The following MYBPC1 variants were observed in gnomAD, a reference collection of about 807,000 sequenced individuals.
MYBPC1 encodes myosin binding protein C1, also known as myosin-binding protein C, slow-type.
Under a neutral mutation model 147.1 loss-of-function variants are expected in MYBPC1, and 52 were observed. The observed-to-expected ratio is 0.35, with a 90% CI of 0.28 to 0.45. The LOEUF (loss-of-function observed/expected upper bound fraction) is 0.45, where lower values mean the gene tolerates loss of function less well. Among genes scored for constraint, MYBPC1 ranks in the 20% least tolerant of loss-of-function variants. The pLI, the probability that MYBPC1 is intolerant of heterozygous loss-of-function variation, is 1.00. For missense variants in MYBPC1, 1,228 were observed against 1,440.3 expected (o/e 0.85, Z 2.39); for synonymous variants, 477 against 475.9 (o/e 1.00, Z -0.03).
In MYBPC1 at chr12:101,605,965, C is replaced by T. The variant is rs138472855; in HGVS notation, c.26-8531C>T. On this transcript the variant is annotated intron_variant, in intron 1 of 31. Coordinates refer to ENST00000361466, the MANE Select transcript of MYBPC1 (RefSeq NM_002465.4). ...ATCCAAGCACTTTGGAAGGCTGAGG[C>T]GGGCAGATCACTTGAGCCCAGGAGT... 7.0e-3 allele frequency among the ~76,000 whole-genome samples: 1,062 copies of T among 152,086 alleles called. 11 individuals carry two copies. The highest frequency in any genetic ancestry group is 0.024 in the African/African-American group (995 of 41,500).
At chr12:101,613,454 G>T (rs1328446309) in intron 1 of MYBPC1, among the ~76,000 whole-genome samples, 1 of 152,162 alleles carries the variant, frequency 6.6e-6, no homozygotes, top group Non-Finnish European at 1.5e-5. Flanking sequence ...ATTTTATTTA[G>T]TAATCAAGTA....
intron 13 of MYBPC1, 115 bp from the exon 14 acceptor site, chr12:101,647,930 T>TGG: frequency 1.2e-6 from 1 of 808,648 alleles, no homozygotes; most frequent in East Asian, 2.8e-5. Context: ...GTTATCACCA[T>TGG]GTCAACCATA....
downstream of MYBPC1, among the ~76,000 whole-genome samples, chr12:101,690,308 T>C (rs1004343455): frequency 2.6e-5 from 4 of 152,258 alleles, no homozygotes; most frequent in African/African-American, 9.6e-5. Flanking sequence ...TCTCTCTGTC[T>C]TGTTCCTTGC....
chr12:101,597,985 C>T (rs2135512501), intron 1 of MYBPC1, among the ~76,000 whole-genome samples: 1 of 151,828 alleles, frequency 6.6e-6, no homozygotes, highest in African/African-American at 2.4e-5. Flanking sequence ...TTAATTGCCC[C>T]CGGTTCCTAC....
At chr12:101,647,622 T>C (rs1893482219) in intron 13 of MYBPC1, among the ~76,000 whole-genome samples, 1 of 151,850 alleles carries the variant, frequency 6.6e-6, no homozygotes, top group South Asian at 2.1e-4. Context: ...CCACAGTGGC[T>C]CATGTCTATA....
At chr12:101,597,989 T>A (rs925076744) in intron 1 of MYBPC1, among the ~76,000 whole-genome samples, 1 of 151,894 alleles carries the variant, frequency 6.6e-6, no homozygotes, top group Non-Finnish European at 1.5e-5. Flanking sequence ...TTGCCCCCGG[T>A]TCCTACTGTG....
At chr12:101,668,204 C>T (rs940816419) in intron 23 of MYBPC1, among the ~76,000 whole-genome samples, 2 of 152,080 alleles carry the variant, frequency 1.3e-5, no homozygotes, top group Non-Finnish European at 2.9e-5. Flanking sequence ...TACAACCATG[C>T]AAACAATCCC....
intron 31 of MYBPC1, among the ~76,000 whole-genome samples, chr12:101,684,986 G>T (rs1449809387): frequency 3.3e-5 from 5 of 152,046 alleles, no homozygotes; most frequent in African/African-American, 1.2e-4. Flanking sequence ...TCAGAAGGTA[G>T]GTATGAAATA....
the MYBPC1 span, among the ~76,000 whole-genome samples, chr12:101,692,896 T>A: frequency 1.3e-5 from 2 of 151,962 alleles, no homozygotes; most frequent in Non-Finnish European, 2.9e-5. Flanking sequence ...GGAAAATCAA[T>A]TTAGAGCATG....
At chr12:101,681,851 C>T (rs1951021899) in intron 29 of MYBPC1, among the ~76,000 whole-genome samples, 1 of 151,736 alleles carries the variant, frequency 6.6e-6, no homozygotes, top group African/African-American at 2.4e-5. Context: ...TCAAGCAATC[C>T]ATCTGCCTTG....
chr12:101,653,078 G>C (rs1894840029), intron 17 of MYBPC1, 37 bp from the exon 18 acceptor site: 1 of 1,602,926 alleles, frequency 6.2e-7, no homozygotes, highest in South Asian at 1.1e-5. Context: ...ACACAGAAAT[G>C]ACTGTCTGAT....
At chr12:101,613,717 C>T (rs576572239) in intron 1 of MYBPC1, among the ~76,000 whole-genome samples, 38 of 152,272 alleles carry the variant, frequency 2.5e-4, no homozygotes, top group African/African-American at 9.1e-4. Context: ...AACCAGACAT[C>T]GAAAGCCAGG....
intron 24 of MYBPC1, 144 bp downstream of exon 24, chr12:101,670,553 G>A (rs933708574): frequency 3.3e-5 from 25 of 767,346 alleles, no homozygotes; most frequent in Non-Finnish European, 5.7e-5. Flanking sequence ...AAAGAGTATT[G>A]GAGAATGATT....
intron 12 of MYBPC1, 144 bp from the exon 13 acceptor site, chr12:101,646,619 A>G (rs1247433643): frequency 4.3e-6 from 4 of 926,906 alleles, no homozygotes. Context: ...TGCCTGTGCA[A>G]CAGAGCAAGA....
At chr12:101,688,690 G>GT (rs1367474218), downstream of MYBPC1, among the ~76,000 whole-genome samples, 9 of 140,528 alleles carry the variant, frequency 6.4e-5, no homozygotes, top group Admixed American at 1.4e-4. Context: ...GCTGGGTGTG[G>GT]TGGCTGACGT....
chr12:101,630,932 G>C (rs962120564), intron 6 of MYBPC1, among the ~76,000 whole-genome samples: 1 of 152,124 alleles, frequency 6.6e-6, no homozygotes, highest in Non-Finnish European at 1.5e-5. Context: ...CTTCTTTCCA[G>C]GCTAGAATGT....
At chr12:101,599,142 C>T (rs1306030732) in intron 1 of MYBPC1, among the ~76,000 whole-genome samples, 1 of 152,164 alleles carries the variant, frequency 6.6e-6, no homozygotes, top group African/African-American at 2.4e-5. Context: ...TCACAGGTTC[C>T]TTTATGACCA....
At chr12:101,611,504 G>A (rs2135754147) in intron 1 of MYBPC1, among the ~76,000 whole-genome samples, 1 of 152,312 alleles carries the variant, frequency 6.6e-6, no homozygotes, top group East Asian at 1.9e-4. Context: ...TCACATAGAT[G>A]CTAAACAAGT....
chr12:101,679,127 TA>T (rs1370247933), intron 28 of MYBPC1, among the ~76,000 whole-genome samples: 1 of 133,788 alleles, frequency 7.5e-6, no homozygotes, highest in Non-Finnish European at 1.6e-5. Context: ...CTAGTCTGGG[TA>T]ACAGAAGAAG....
Sources: gnomAD v4.1 joint callset for allele counts (sites outside exome capture counted in the v4.1 genomes callset) on GRCh38, gnomAD v4.1.1 for gene constraint, MANE v1.5 for transcripts, NCBI Gene and HGNC (gene_info 2026-07-23, HGNC 2026-07-21) for gene names.